BPIFB3: variants seen among roughly 807,000 people sequenced by gnomAD.
BPIFB3 encodes the protein BPI fold containing family B member 3.
In BPIFB3, 49 loss-of-function variants were observed where a neutral mutation model predicts 53.1. The ratio of observed to expected loss-of-function variants is 0.92; its 90% CI spans 0.73 to 1.17. BPIFB3 has a LOEUF of 1.17. Ranked by LOEUF, BPIFB3 falls within the 50% of genes most tolerant of loss-of-function variation. The pLI, the probability that BPIFB3 is intolerant of heterozygous loss-of-function variation, is 0.00. For missense variants in BPIFB3, 628 were observed against 592.5 expected, an observed-to-expected ratio of 1.06 and a Z score of -0.62; for synonymous variants, 271 against 269.6, an observed-to-expected ratio of 1.01 and a Z score of -0.05.
intron 8 of BPIFB3, among the ~76,000 whole-genome samples, chr20:33,066,481 T>C (rs1185135579): frequency 6.6e-6 from 1 of 152,262 alleles, no homozygotes; most frequent in Non-Finnish European, 1.5e-5. Flanking sequence ...GAAGTTAGCC[T>C]GCCCAGGTTC....
intron 5 of BPIFB3, among the ~76,000 whole-genome samples, chr20:33,062,458 C>T (rs964850757): frequency 1.3e-5 from 2 of 152,108 alleles, no homozygotes; most frequent in African/African-American, 2.4e-5. Context: ...AGAATGGGAG[C>T]CTAGGGTTGG....
downstream of BPIFB3, chr20:33,073,644 A>G (rs768108074): frequency 6.2e-7 from 1 of 1,611,558 alleles, no homozygotes; most frequent in Non-Finnish European, 8.5e-7. Context: ...GTTGACTACT[A>G]GAGACCACCT....
exon 2 of BPIFB3, chr20:33,056,679 G>T (rs202072797): frequency 6.2e-7 from 1 of 1,604,410 alleles, no homozygotes; most frequent in East Asian, 2.2e-5. Context: ...GGTTTTTGGC[G>T]TTGTCGAGGA....
chr20:33,072,140 G>C (rs760434221), exon 13 of BPIFB3: 3 of 1,614,066 alleles, frequency 1.9e-6, no homozygotes, highest in Admixed American at 3.3e-5. Flanking sequence ...CCATGTGGTC[G>C]GGGCAGTGTA....
intron 5 of BPIFB3, among the ~76,000 whole-genome samples, chr20:33,062,429 C>T (rs544081878): frequency 1.6e-3 from 238 of 152,258 alleles, no homozygotes; most frequent in Non-Finnish European, 2.9e-3. Context: ...TTCTTGCGAA[C>T]GCTGCTGGGG....
chr20:33,064,810 A>C (rs766114305), exon 8 of BPIFB3: 17 of 1,613,588 alleles, frequency 1.1e-5, no homozygotes, highest in Middle Eastern at 1.6e-4. Context: ...CCTGCAGACC[A>C]ACGGCGCCCT....
chr20:33,069,174 T>A (rs1980787080), intron 10 of BPIFB3, among the ~76,000 whole-genome samples: 1 of 152,054 alleles, frequency 6.6e-6, no homozygotes, highest in South Asian at 2.1e-4. Context: ...GCCTGCTCCC[T>A]CCTGTCATGT....
rs183510057 is a variant in BPIFB3 at position 33,068,091 on chromosome 20, C to A, written c.979-712C>A. Among the ~76,000 whole-genome samples the A allele has an allele frequency of 8.5e-4, 129 of 152,326 alleles. 1 individual carries two copies. The highest frequency in any genetic ancestry group is 3.0e-3 in the African/African-American group (125 of 41,570). ...CACTGAGCACCTACTGTGTAACAGGCCCTGCAATGGAACAAGGGCATACCT... is the reference window on the plus strand; with the variant it reads ...CACTGAGCACCTACTGTGTAACAGGACCTGCAATGGAACAAGGGCATACCT... On this transcript the variant is annotated intron_variant, in intron 9 of 14. Transcript: ENST00000375494.
At position 33,073,568 on chromosome 20, in the gene BPIFB3, C is replaced by T. The variant is rs773652921; in HGVS notation, c.1402-8C>T. On this transcript the variant is annotated splice_polypyrimidine_tract_variant and splice_region_variant and intron_variant, in intron 14 of 14. Transcript: ENST00000375494. ...AGGGGTGTAACCAAGAGCGGTTGTT[C>T]CTTACAGAATGCTGTTGTGCTGACC... 4 of 1,613,922 alleles carry T rather than the reference C, an allele frequency of 2.5e-6. No individual in the cohort carries two copies. The highest frequency in any genetic ancestry group is 3.4e-6 in the Non-Finnish European group (4 of 1,179,924).
rs996013513 is a variant in BPIFB3, at chr20:33,058,825, C to T, written c.282-553C>T. Among the ~76,000 whole-genome samples the T allele has an allele frequency of 2.0e-5, 3 of 151,702 alleles. No homozygotes were observed. The East Asian group carries it at 5.8e-4, about 29-fold the overall frequency. ...ATGGAAGGCTTCCTGGAGGAGTGCACGTGAACTGGGAGGAGTCAGCAAGCT... is the reference window on the plus strand; with the variant it reads ...ATGGAAGGCTTCCTGGAGGAGTGCATGTGAACTGGGAGGAGTCAGCAAGCT... On this transcript the variant is annotated intron_variant, in intron 2 of 14. Coordinates refer to ENST00000375494, the Ensembl canonical transcript of BPIFB3.
At chr20:33,060,595 A>T (rs1980413207) in intron 4 of BPIFB3, among the ~76,000 whole-genome samples, 1 of 151,874 alleles carries the variant, frequency 6.6e-6, no homozygotes. Context: ...CCTGAGGCAG[A>T]GTCTCACTCT....
chr20:33,062,767 T>A (rs996589238), intron 5 of BPIFB3, among the ~76,000 whole-genome samples: 9 of 152,168 alleles, frequency 5.9e-5, no homozygotes, highest in African/African-American at 2.2e-4. Flanking sequence ...CTCCCTCCTG[T>A]AAGTGGGAAG....
intron 5 of BPIFB3, 38 bp downstream of exon 6, chr20:33,061,869 A>ACCCCCTGACCTGTT: frequency 6.2e-7 from 1 of 1,607,236 alleles, no homozygotes; most frequent in South Asian, 1.1e-5. Flanking sequence ...GCCCTCTCCC[A>ACCCCCTGACCTGTT]GGACTGGGCC....
rs371603496 is a variant in BPIFB3, at chr20:33,057,369, A to T, written c.281+671A>T. 2.0e-4 allele frequency among the ~76,000 whole-genome samples: 31 copies of T among 152,060 alleles called. No homozygotes were observed. In the East Asian group the frequency reaches 4.7e-3, roughly 23 times the overall value. On this transcript the variant is annotated intron_variant, in intron 2 of 14. Transcript: ENST00000375494. The stretch of plus-strand genomic sequence containing the variant: ...ACGACGGGCTAATTTTTGTAGTTTT[A>T]GTAGAGAAGAAGTTACATCATGTTG...
intron 5 of BPIFB3, 107 bp downstream of exon 6, chr20:33,061,938 C>G: frequency 2.3e-6 from 3 of 1,287,100 alleles, no homozygotes; most frequent in African/African-American, 1.5e-5. Context: ...GCTGTACTTC[C>G]CTTCCACACC....
chr20:33,065,513 A>G (rs1980631897), intron 8 of BPIFB3, among the ~76,000 whole-genome samples: 1 of 151,718 alleles, frequency 6.6e-6, no homozygotes, highest in African/African-American at 2.4e-5. Context: ...CTTGTCTCAG[A>G]AAAAGAGAAA....
Position 33,068,115 on chromosome 20 carries a change from C to G in BPIFB3, c.979-688C>G, listed in dbSNP as rs150566850. Among the ~76,000 whole-genome samples the G allele has an allele frequency of 8.9e-4, 135 of 152,324 alleles. 1 individual carries two copies. The highest frequency in any genetic ancestry group is 3.1e-3 in the African/African-American group (130 of 41,564). ...GCCCTGCAATGGAACAAGGGCATAC[C>G]TGCAGCTGGGGCTGCACAAAGGGCA... is the stretch of plus-strand genomic sequence containing the variant. On this transcript the variant is annotated intron_variant, in intron 9 of 14. Transcript: ENST00000375494.
chr20:33,063,532 A>C, intron 5 of BPIFB3, 83 bp from the exon 7 acceptor site: 1 of 1,470,396 alleles, frequency 6.8e-7, no homozygotes, highest in Non-Finnish European at 9.5e-7. Flanking sequence ...ACATAGCAGC[A>C]GATAGCAAAG....
At chr20:33,067,553 G>A (rs914641242) in intron 9 of BPIFB3, among the ~76,000 whole-genome samples, 87 of 152,350 alleles carry the variant, frequency 5.7e-4, no homozygotes, top group African/African-American at 2.0e-3. Flanking sequence ...ATTCAAAGCA[G>A]TCTGGATGAA....
Sources: allele counts gnomAD v4.1 joint callset (sites outside exome capture counted in the v4.1 genomes callset), GRCh38; gene constraint gnomAD v4.1.1; transcripts MANE v1.5; gene names NCBI Gene and HGNC (gene_info 2026-07-23, HGNC 2026-07-21).